The following GARIN1A variants were observed in gnomAD, a reference collection of about 807,000 sequenced individuals.
GARIN1A encodes the protein Golgi-associated RAB2 interactor protein 1A.
chr7:128,681,168 G>T, the GARIN1A span, among the ~76,000 whole-genome samples: 3 of 152,262 alleles, frequency 2.0e-5, no homozygotes, highest in South Asian at 6.2e-4. Flanking sequence ...AATATAAAAG[G>T]TCCTTTGGTC....
At chr7:128,694,838 C>T in the GARIN1A span, among the ~76,000 whole-genome samples, 4 of 152,292 alleles carry the variant, frequency 2.6e-5, no homozygotes, top group South Asian at 6.2e-4. Context: ...AATATAGTCA[C>T]TCAACTGTGA....
At chr7:128,703,762 G>A in the GARIN1A span, among the ~76,000 whole-genome samples, 1 of 142,970 alleles carries the variant, frequency 7.0e-6, no homozygotes, top group Admixed American at 7.1e-5. Context: ...GGATGACAGA[G>A]CGACATCCTG....
chr7:128,681,770 T>C, the GARIN1A span, among the ~76,000 whole-genome samples: 1 of 152,026 alleles, frequency 6.6e-6, no homozygotes, highest in Admixed American at 6.5e-5. Flanking sequence ...CCTAAAGTGC[T>C]GGGATTACAG....
chr7:128,695,124 CA>C, the GARIN1A span, among the ~76,000 whole-genome samples: 4 of 152,316 alleles, frequency 2.6e-5, no homozygotes, highest in South Asian at 8.3e-4. This position sits in a 1 kb window ranked among gnomAD's most constrained non-coding sequence, Gnocchi z 4.5. Context: ...CTTTGCAGGC[CA>C]AACCAAGTCT....
At chr7:128,692,136 G>C in the GARIN1A span, among the ~76,000 whole-genome samples, 3 of 152,116 alleles carry the variant, frequency 2.0e-5, no homozygotes, top group African/African-American at 7.2e-5. Flanking sequence ...CTTCGGCTTG[G>C]GTTGGCTGCA....
chr7:128,689,980 G>A, the GARIN1A span, among the ~76,000 whole-genome samples: 1 of 152,234 alleles, frequency 6.6e-6, no homozygotes, highest in East Asian at 1.9e-4. Context: ...GGGAAAGGTG[G>A]GGAAAAGTTA....
the GARIN1A span, among the ~76,000 whole-genome samples, chr7:128,708,199 T>TTA: frequency 8.4e-6 from 1 of 119,658 alleles, no homozygotes; most frequent in South Asian, 2.7e-4. Context: ...TTTTTTTTTT[T>TTA]AATTTTTAGT....
chr7:128,679,091 TTA>T, the GARIN1A span, among the ~76,000 whole-genome samples: 147 of 150,216 alleles, frequency 9.8e-4, no homozygotes, highest in South Asian at 3.4e-3. Context: ...AAGATTGTTT[TTA>T]TATATATATA....
the GARIN1A span, among the ~76,000 whole-genome samples, chr7:128,681,881 AC>A: frequency 0.28 from 35,887 of 126,924 alleles, 4,409 homozygotes; most frequent in East Asian, 0.51. Flanking sequence ...GCCACACTGC[AC>A]CCCCCCCCAC....
chr7:128,683,286 C>G, the GARIN1A span: 1 of 670,462 alleles, frequency 1.5e-6, no homozygotes, highest in South Asian at 2.4e-5. Context: ...AGGTGCTTCT[C>G]TACTTCCACC....
chr7:128,673,735 A>G, the GARIN1A span, among the ~76,000 whole-genome samples: 69,824 of 151,878 alleles, frequency 0.46, 16,085 homozygotes, highest in East Asian at 0.57. Context: ...CGGTCCCTTT[A>G]CTGTGCCCCA....
chr7:128,700,721 A>G, the GARIN1A span, among the ~76,000 whole-genome samples: 1 of 152,208 alleles, frequency 6.6e-6, no homozygotes, highest in Admixed American at 6.5e-5. Context: ...GGAAGAAATG[A>G]GATAGAAGAA....
At chr7:128,690,979 G>A in the GARIN1A span, 1 of 152,130 alleles carries the variant, frequency 6.6e-6, no homozygotes, top group Non-Finnish European at 1.5e-5. Context: ...AAGTTTAGGG[G>A]TGTGTTAGGA....
chr7:128,681,195 G>T, the GARIN1A span, among the ~76,000 whole-genome samples: 3 of 152,144 alleles, frequency 2.0e-5, no homozygotes, highest in African/African-American at 7.2e-5. Flanking sequence ...AATTGCAAAA[G>T]CAGCCTCAAT....
chr7:128,708,313 C>T, the GARIN1A span, among the ~76,000 whole-genome samples: 114 of 151,954 alleles, frequency 7.5e-4, no homozygotes, highest in African/African-American at 2.7e-3. Context: ...AGGTGTGAGT[C>T]ATTGCACCGG....
At chr7:128,676,840 T>C in the GARIN1A span, among the ~76,000 whole-genome samples, 3 of 152,126 alleles carry the variant, frequency 2.0e-5, no homozygotes, top group Middle Eastern at 3.4e-3. Flanking sequence ...ACTTAGCCTC[T>C]CTAAGCCTCA....
the GARIN1A span, among the ~76,000 whole-genome samples, chr7:128,671,878 G>T: frequency 1.3e-5 from 2 of 152,124 alleles, no homozygotes; most frequent in Admixed American, 1.3e-4. Flanking sequence ...CCCATGAGAT[G>T]GGGTAGGGAA....
At chr7:128,705,246 C>T in the GARIN1A span, among the ~76,000 whole-genome samples, 5 of 152,172 alleles carry the variant, frequency 3.3e-5, no homozygotes, top group Non-Finnish European at 7.3e-5. Context: ...CAGTATGATC[C>T]TTCCACCCCA....
At chr7:128,703,526 C>G in the GARIN1A span, among the ~76,000 whole-genome samples, 2 of 152,210 alleles carry the variant, frequency 1.3e-5, no homozygotes, top group African/African-American at 4.8e-5. Flanking sequence ...CACAGTGGCT[C>G]ATGCCTATAA....
Sources: gnomAD v4.1 joint callset for allele counts (sites outside exome capture counted in the v4.1 genomes callset) on GRCh38, gnomAD v4.1.1 for gene constraint, Gnocchi (gnomAD v3.1) non-coding constraint, MANE v1.5 for transcripts, NCBI Gene and HGNC (gene_info 2026-07-23, HGNC 2026-07-21) for gene names.